Variants in MTX3 observed in about 807,000 individuals in gnomAD.
MTX3 encodes metaxin 3, also known as metaxin-3.
MTX3 carries 27 observed loss-of-function variants against 42.5 expected under a neutral mutation model. That is an observed-to-expected ratio of 0.64 (90% CI 0.47 to 0.88). The LOEUF is 0.88. Among genes scored for constraint, MTX3 ranks in the 40% least tolerant of loss-of-function variants. MTX3 has a pLI of 0.00. For synonymous variants in MTX3, 144 were observed against 132.9 expected (o/e 1.08, Z -0.57); for missense variants, 378 against 367.0 (o/e 1.03, Z -0.25).
At chr5:79,989,924 T>G (rs1831590938) in intron 3 of MTX3, among the ~76,000 whole-genome samples, 1 of 152,188 alleles carries the variant, frequency 6.6e-6, no homozygotes, top group African/African-American at 2.4e-5. Context: ...TACATACAAA[T>G]TTCAATAAAA....
intron 8 of MTX3, among the ~76,000 whole-genome samples, chr5:79,984,001 G>A (rs934829123): frequency 6.6e-6 from 1 of 152,114 alleles, no homozygotes; most frequent in Admixed American, 6.5e-5. Context: ...AAAAAGCAAC[G>A]TGGCTCATTC....
At position 79,979,850 on chromosome 5, in the gene MTX3, C is replaced by A. The variant is rs921051381; in HGVS notation, c.*3834G>T. The A allele has an allele frequency of 1.3e-5, 2 of 151,470 alleles. No individual in the cohort carries two copies. The highest frequency in any genetic ancestry group is 2.9e-5 in the Non-Finnish European group (2 of 67,890). 9.4% of individuals were successfully genotyped at this position (151,470 alleles called of 1,614,324 possible). A position where few individuals can be genotyped will look rare whatever the true frequency, so the allele number is the denominator to read the frequency against. On this transcript the variant is annotated 3_prime_UTR_variant, in exon 9 of 9. Coordinates refer to ENST00000512528, the MANE Select transcript of MTX3 (RefSeq NM_001363818.2). ...TTTTCTTAAGAATGAAATAAAAATT[C>A]TATTTAACTTCTATCATATATTTAT...
At chr5:79,990,981 T>C in intron 1 of MTX3, 177 bp downstream of exon 1, 1 of 758,378 alleles carries the variant, frequency 1.3e-6, no homozygotes, top group South Asian at 1.5e-5. Context: ...CCGCCGGCCT[T>C]CGGCGGGGGT....
rs571274619 is a variant in MTX3, at chr5:79,981,332, T to C, written c.*2352A>G. 6.6e-6 allele frequency: 1 copy of C among 152,346 alleles called. No individual in the cohort carries two copies. The highest frequency in any genetic ancestry group is 1.5e-5 in the Non-Finnish European group (1 of 68,040). 9.4% of individuals were successfully genotyped at this position (152,346 alleles called of 1,614,324 possible). On this transcript the variant is annotated 3_prime_UTR_variant, in exon 9 of 9. Coordinates refer to ENST00000512528, the MANE Select transcript of MTX3 (RefSeq NM_001363818.2). Reference sequence around the variant, plus strand: ...ATAAACTCTCACTAAACTCACATGTTGCATCTTAGAAAAGGTGATCTGGAA... The same window carrying C: ...ATAAACTCTCACTAAACTCACATGTCGCATCTTAGAAAAGGTGATCTGGAA...
In MTX3 at chr5:79,979,563, C is replaced by T. The variant is rs1375467315; in HGVS notation, c.*4121G>A. The T allele has an allele frequency of 2.0e-5, 3 of 152,332 alleles. No homozygotes were observed. The East Asian group carries it at 5.8e-4, about 29-fold the overall frequency. The allele number at this position is 152,332 out of a possible 1,614,324, so 9.4% of individuals were successfully genotyped here. On this transcript the variant is annotated 3_prime_UTR_variant, in exon 9 of 9. Transcript: ENST00000512528. ...CTACACCTTCTTCATTAAAGGTGAG[C>T]ATCTTGTCACACTGTGCATATGGAG...
chr5:79,991,249 C>T lies in MTX3; in HGVS notation c.-11G>A. The T allele has an allele frequency of 1.4e-6, 2 of 1,446,372 alleles. No individual in the cohort carries two copies. Among genetic ancestry groups the T allele is most frequent in the Non-Finnish European group, 9.1e-7 (1 of 1,096,460 alleles). The allele number at this position is 1,446,372 out of a possible 1,614,324, so 89.6% of individuals were successfully genotyped here. A position where few individuals can be genotyped will look rare whatever the true frequency, so the allele number is the denominator to read the frequency against. ...CAAGGGGGCCGCCATCTTGCGCGGG[C>T]CGACCTTTACTATCCCGGAAGTACT... On this transcript the variant is annotated 5_prime_UTR_variant, in exon 1 of 9. Transcript: ENST00000512528.
chr5:79,978,505 G>A lies in MTX3; in HGVS notation c.*5179C>T, dbSNP rs937229726. 6 of 152,734 alleles carry A rather than the reference G, an allele frequency of 3.9e-5. No individual in the cohort carries two copies. Among genetic ancestry groups the A allele is most frequent in the Non-Finnish European group, 5.8e-5 (4 of 68,456 alleles). 9.5% of individuals were successfully genotyped at this position (152,734 alleles called of 1,614,324 possible). The stretch of plus-strand genomic sequence containing the variant: ...ATTGGGAGGCTGAGGCAGGAGAATC[G>A]CTTGAACCTGGGAGGCGGAGGTTGT... On this transcript the variant is annotated 3_prime_UTR_variant, in exon 9 of 9. Transcript: ENST00000512528.
rs1309656671 is a variant in MTX3 at position 79,979,974 on chromosome 5, A to G, written c.*3710T>C. The G allele has an allele frequency of 2.0e-5, 3 of 152,196 alleles. No individual in the cohort carries two copies. The highest frequency in any genetic ancestry group is 2.0e-4 in the Admixed American group (3 of 15,278). 9.4% of individuals were successfully genotyped at this position (152,196 alleles called of 1,614,324 possible). A position where few individuals can be genotyped will look rare whatever the true frequency, so the allele number is the denominator to read the frequency against. On this transcript the variant is annotated 3_prime_UTR_variant, in exon 9 of 9. Transcript: ENST00000512528. ...TAATCTATGAATTTACTTTAAAACC[A>G]CTTTTATTTTGAAATACTTAAGACT...
In MTX3 at chr5:79,977,834, C is replaced by G. The variant is rs933190198; in HGVS notation, c.*5850G>C. 6.6e-6 allele frequency: 1 copy of G among 152,200 alleles called. No individual in the cohort carries two copies. Among genetic ancestry groups the G allele is most frequent in the Non-Finnish European group, 1.5e-5 (1 of 68,036 alleles). 9.4% of individuals were successfully genotyped at this position (152,200 alleles called of 1,614,324 possible). A position where few individuals can be genotyped will look rare whatever the true frequency, so the allele number is the denominator to read the frequency against. ...AGCTTTCTATGATGTATGTATCATA[C>G]TAGCTTGTATGTGACTTTAGTGTCA... On this transcript the variant is annotated 3_prime_UTR_variant, in exon 9 of 9. Coordinates refer to ENST00000512528, the MANE Select transcript of MTX3 (RefSeq NM_001363818.2).
At position 79,989,198 on chromosome 5, in the gene MTX3, G is replaced by C; in HGVS notation, c.275C>G (p.Thr92Arg). Residue 92 changes from threonine to arginine, a missense_variant, in exon 4 of 9, where the codon ACA becomes AGA. Thr to Arg is a moderately conservative substitution (Grantham distance 71, BLOSUM62 -1). Transcript: ENST00000512528. ...YELSAKQGAD[T>R]LAYIALLEEK... ...TTCGAGGAGAGCAATATAAGCCAAT[G>C]TATCTGCCCCTTGTTTTGCTGAGAG... is the stretch of plus-strand genomic sequence containing the variant. 1 of 1,609,072 alleles carries C rather than the reference G, an allele frequency of 6.2e-7. No individual in the cohort carries two copies. Among genetic ancestry groups the C allele is most frequent in the Non-Finnish European group, 8.5e-7 (1 of 1,177,596 alleles).
At chr5:79,991,078 G>C in intron 1 of MTX3, 80 bp downstream of exon 1, 2 of 1,374,816 alleles carry the variant, frequency 1.5e-6, no homozygotes, top group Non-Finnish European at 2.0e-6. Flanking sequence ...CCGCAGCGCA[G>C]CGGGAAACTG....
chr5:79,985,706 G>A (rs1282312928), intron 7 of MTX3, 47 bp from the exon 8 acceptor site: 6 of 1,356,132 alleles, frequency 4.4e-6, no homozygotes, highest in Admixed American at 1.9e-5. Flanking sequence ...AATTTTTAAA[G>A]CCTTTAAAGC....
intron 3 of MTX3, among the ~76,000 whole-genome samples, chr5:79,989,803 G>C (rs1831587390): frequency 6.6e-6 from 1 of 152,158 alleles, no homozygotes. Flanking sequence ...ATAGTTGCTA[G>C]TTGGTGAGAG....
In MTX3 at chr5:79,979,480, T is replaced by C. The variant is rs1482772103; in HGVS notation, c.*4204A>G. ...CCCAAATTATCTCTGTTGCTCAGGA[T>C]TTCAGTTATAAAAATAGCCAAATCA... is the stretch of plus-strand genomic sequence containing the variant. On this transcript the variant is annotated 3_prime_UTR_variant, in exon 9 of 9. Coordinates refer to ENST00000512528, the MANE Select transcript of MTX3 (RefSeq NM_001363818.2). 6.6e-6 allele frequency: 1 copy of C among 152,196 alleles called. No homozygotes were observed. Among genetic ancestry groups the C allele is most frequent in the Non-Finnish European group, 1.5e-5 (1 of 68,028 alleles). 9.4% of individuals were successfully genotyped at this position (152,196 alleles called of 1,614,324 possible). A position where few individuals can be genotyped will look rare whatever the true frequency, so the allele number is the denominator to read the frequency against.
At chr5:79,984,494 C>T (rs1831443897) in intron 8 of MTX3, among the ~76,000 whole-genome samples, 1 of 152,126 alleles carries the variant, frequency 6.6e-6, no homozygotes, top group Admixed American at 6.5e-5. Context: ...CACTGGATCA[C>T]TTCTAAATGA....
Position 79,983,670 on chromosome 5 carries a change from A to G in MTX3, c.*14T>C, listed in dbSNP as rs368339118. ...CAACAATCGTTTGACTTTGGCCACA[A>G]ACCATGACTACTCTCAGGGCGAAAG... is the stretch of plus-strand genomic sequence containing the variant. On this transcript the variant is annotated 3_prime_UTR_variant, in exon 9 of 9. Transcript: ENST00000512528. 76 of 1,590,094 alleles carry G rather than the reference A, an allele frequency of 4.8e-5. No homozygotes were observed. The African/African-American group carries it at 8.6e-4, about 18-fold the overall frequency.
rs1176714804 is a variant in MTX3, at chr5:79,982,384, C to T, written c.*1300G>A. ...TTAGATGAGTCTTTTGACTACAAAG[C>T]TCATTTTCTTAACATATGGGTTCCT... On this transcript the variant is annotated 3_prime_UTR_variant, in exon 9 of 9. Coordinates refer to ENST00000512528, the MANE Select transcript of MTX3 (RefSeq NM_001363818.2). The T allele has an allele frequency of 6.6e-6, 3 of 456,466 alleles. No homozygotes were observed. The East Asian group carries it at 2.1e-4, about 32-fold the overall frequency. The allele number at this position is 456,466 out of a possible 1,614,324, so 28.3% of individuals were successfully genotyped here. A position where few individuals can be genotyped will look rare whatever the true frequency, so the allele number is the denominator to read the frequency against.
In MTX3 at chr5:79,980,194, G is replaced by A. The variant is rs1289701537; in HGVS notation, c.*3490C>T. 2 of 152,168 alleles carry A rather than the reference G, an allele frequency of 1.3e-5. No homozygotes were observed. The highest frequency in any genetic ancestry group is 2.9e-5 in the Non-Finnish European group (2 of 68,024). The allele number at this position is 152,168 out of a possible 1,614,324, so 9.4% of individuals were successfully genotyped here. On this transcript the variant is annotated 3_prime_UTR_variant, in exon 9 of 9. Transcript: ENST00000512528. ...GGAGGTTCTAAGGAAACACTACCAA[G>A]TTCAAGTACCACTTTTATCACATGC... is the stretch of plus-strand genomic sequence containing the variant.
rs180720456 is a variant in MTX3, at chr5:79,982,963, C to A, written c.*721G>T. On this transcript the variant is annotated 3_prime_UTR_variant, in exon 9 of 9. Transcript: ENST00000512528. ...CTACAAAGACATAGGTCTAAAACTGCCACATTTGCCCAAGTAAACTAAAAG... is the reference window on the plus strand; with the variant it reads ...CTACAAAGACATAGGTCTAAAACTGACACATTTGCCCAAGTAAACTAAAAG... 1 of 153,840 alleles carries A rather than the reference C, an allele frequency of 6.5e-6. No individual in the cohort carries two copies. The highest frequency in any genetic ancestry group is 1.4e-5 in the Non-Finnish European group (1 of 69,194). The allele number at this position is 153,840 out of a possible 1,614,324, so 9.5% of individuals were successfully genotyped here.
Sources: gnomAD v4.1 joint callset for allele counts (sites outside exome capture counted in the v4.1 genomes callset) on GRCh38, gnomAD v4.1.1 for gene constraint, MANE v1.5 for transcripts, NCBI Gene and HGNC (gene_info 2026-07-23, HGNC 2026-07-21) for gene names.